FBXO16: variants seen among roughly 807,000 people sequenced by gnomAD.
The protein encoded by FBXO16 is F-box only protein 16.
A neutral mutation model predicts 41.0 loss-of-function variants in FBXO16; 31 were observed. That is an observed-to-expected ratio of 0.76 (90% CI 0.57 to 1.02). The LOEUF (loss-of-function observed/expected upper bound fraction) is 1.02, where lower values mean the gene tolerates loss of function less well. FBXO16 is among the 50% of genes least tolerant of loss of function. The pLI, the probability that FBXO16 is intolerant of heterozygous loss-of-function variation, is 0.00. For missense variants in FBXO16, 361 were observed against 346.2 expected, an observed-to-expected ratio of 1.04 and a Z score of -0.34; for synonymous variants, 133 against 117.8, an observed-to-expected ratio of 1.13 and a Z score of -0.84.
chr8:28,467,045 G>A (rs1803255599), intron 3 of FBXO16, among the ~76,000 whole-genome samples: 1 of 152,100 alleles, frequency 6.6e-6, no homozygotes, highest in Admixed American at 6.6e-5. Context: ...GGGCTCAAGG[G>A]ATCCTCCCAC....
At chr8:28,488,118 T>A (rs1803631907) in intron 1 of FBXO16, among the ~76,000 whole-genome samples, 1 of 152,068 alleles carries the variant, frequency 6.6e-6, no homozygotes, top group African/African-American at 2.4e-5. Context: ...CCCAAAGTGC[T>A]GGGATTACAG....
rs1329687110 is a variant in FBXO16, at chr8:28,486,908, G to C, written c.-17+3278C>G. Among the ~76,000 whole-genome samples the C allele has an allele frequency of 2.6e-5, 4 of 152,042 alleles. No individual in the cohort carries two copies. The East Asian group carries it at 7.7e-4, about 29-fold the overall frequency. On this transcript the variant is annotated intron_variant, in intron 1 of 8. Coordinates refer to ENST00000380254, the MANE Select transcript of FBXO16 (RefSeq NM_172366.4). ...CTTTCTTAAGAGCTACATGGCTCTT[G>C]AAGAATATGATGAAAGCTATGAATT...
rs372509743 is a variant in FBXO16, at chr8:28,463,592, T to C, written c.342+20A>G. Reference sequence around the variant, plus strand: ...AAGGCTGTCCTCACAAAACACCACATACCCCTTCCTTGCCTTTACCTGTGC... The same window carrying C: ...AAGGCTGTCCTCACAAAACACCACACACCCCTTCCTTGCCTTTACCTGTGC... On this transcript the variant is annotated intron_variant, in intron 4 of 8. Transcript: ENST00000380254. 1 of 1,612,618 alleles carries C rather than the reference T, an allele frequency of 6.2e-7. No homozygotes were observed. The highest frequency in any genetic ancestry group is 1.1e-5 in the South Asian group (1 of 90,778).
intron 1 of FBXO16, 132 bp from the exon 2 acceptor site, chr8:28,483,594 G>C: frequency 5.0e-6 from 3 of 600,906 alleles, no homozygotes; most frequent in Non-Finnish European, 8.8e-6. Context: ...TGAGGTGGGC[G>C]GATCACTTGA....
chr8:28,434,773 G>C (rs1802662077), intron 7 of FBXO16, among the ~76,000 whole-genome samples: 1 of 152,206 alleles, frequency 6.6e-6, no homozygotes, highest in South Asian at 2.1e-4. Flanking sequence ...GCGGGAGGGA[G>C]CATGCGAGTG....
At chr8:28,475,307 C>G (rs904973481) in intron 2 of FBXO16, among the ~76,000 whole-genome samples, 3 of 152,192 alleles carry the variant, frequency 2.0e-5, no homozygotes, top group Admixed American at 1.3e-4. Context: ...CACTTTGGGA[C>G]CAGTGAAATG....
At chr8:28,432,917 G>A (rs1183861334) in intron 7 of FBXO16, among the ~76,000 whole-genome samples, 4 of 151,814 alleles carry the variant, frequency 2.6e-5, no homozygotes, top group Admixed American at 6.6e-5. Context: ...GAAATTTAGC[G>A]GGGCGTGGTG....
chr8:28,474,863 A>G (rs935154274), intron 2 of FBXO16, among the ~76,000 whole-genome samples: 4 of 152,246 alleles, frequency 2.6e-5, no homozygotes, highest in African/African-American at 9.6e-5. Context: ...TGGATGTATC[A>G]GTACAATGTG....
chr8:28,439,465 CAG>C (rs1338806786), intron 7 of FBXO16, among the ~76,000 whole-genome samples: 1 of 151,820 alleles, frequency 6.6e-6, no homozygotes, highest in Non-Finnish European at 1.5e-5. Flanking sequence ...CGGCCGTGCA[CAG>C]TGGCTCATGC....
chr8:28,467,751 T>C (rs749325125), intron 3 of FBXO16, among the ~76,000 whole-genome samples: 2 of 152,208 alleles, frequency 1.3e-5, no homozygotes, highest in Non-Finnish European at 2.9e-5. Context: ...AACATTAGTA[T>C]TACACAATAC....
At chr8:28,482,657 G>A (rs112518917) in intron 2 of FBXO16, among the ~76,000 whole-genome samples, 443 of 152,064 alleles carry the variant, frequency 2.9e-3, no homozygotes, top group African/African-American at 0.01. Flanking sequence ...TGCAACCTCC[G>A]CCTCCTGGGT....
intron 5 of FBXO16, among the ~76,000 whole-genome samples, chr8:28,453,729 T>C (rs1802992293): frequency 6.6e-6 from 1 of 151,962 alleles, no homozygotes; most frequent in African/African-American, 2.4e-5. Flanking sequence ...TGTATACAAT[T>C]CTATTACAGG....
chr8:28,429,277 C>A, intron 8 of FBXO16, 101 bp downstream of exon 8: 1 of 1,359,362 alleles, frequency 7.4e-7, no homozygotes, highest in South Asian at 1.2e-5. Flanking sequence ...GCCACTGTGC[C>A]CAGCCTGTTC....
At chr8:28,472,941 GT>G (rs977607005) in intron 3 of FBXO16, among the ~76,000 whole-genome samples, 78 of 152,088 alleles carry the variant, frequency 5.1e-4, no homozygotes, top group Non-Finnish European at 9.9e-4. Flanking sequence ...CCAAGGTCCA[GT>G]TTTTTTCCCA....
At chr8:28,458,229 C>A (rs1437998717) in intron 4 of FBXO16, among the ~76,000 whole-genome samples, 1 of 152,194 alleles carries the variant, frequency 6.6e-6, no homozygotes, top group Non-Finnish European at 1.5e-5. Context: ...TTCCACCCAC[C>A]ATTTATTGAG....
chr8:28,428,719 G>A lies in FBXO16; in HGVS notation c.*8C>T. 2 of 1,564,424 alleles carry A rather than the reference G, an allele frequency of 1.3e-6. No homozygotes were observed. The highest frequency in any genetic ancestry group is 1.2e-5 in the South Asian group (1 of 82,776). On this transcript the variant is annotated 3_prime_UTR_variant, in exon 9 of 9. Transcript: ENST00000380254. ...GATGAGCTGGAACTTTTAGGGGAGA[G>A]CTGGCACTTAGGGACATCTAGAAAG...
intron 2 of FBXO16, among the ~76,000 whole-genome samples, chr8:28,475,523 GA>G (rs1803409728): frequency 6.6e-6 from 1 of 152,186 alleles, no homozygotes. Flanking sequence ...AAAGTATCTG[GA>G]TTCAAATATT....
At chr8:28,438,400 G>C (rs1054631262) in intron 7 of FBXO16, among the ~76,000 whole-genome samples, 1 of 152,130 alleles carries the variant, frequency 6.6e-6, no homozygotes, top group Non-Finnish European at 1.5e-5. Flanking sequence ...AAATGGGGAC[G>C]GTCAAGGAAA....
intron 7 of FBXO16, 25 bp downstream of exon 7, chr8:28,447,146 T>C (rs761909670): frequency 3.2e-6 from 5 of 1,575,394 alleles, no homozygotes; most frequent in Non-Finnish European, 4.3e-6. Flanking sequence ...GTTATGGTGA[T>C]GAATCTTTCA....
Sources: gnomAD v4.1 joint callset for allele counts (sites outside exome capture counted in the v4.1 genomes callset) on GRCh38, gnomAD v4.1.1 for gene constraint, MANE v1.5 for transcripts, NCBI Gene and HGNC (gene_info 2026-07-23, HGNC 2026-07-21) for gene names.